SYT9: variants seen among roughly 807,000 people sequenced by gnomAD.
SYT9 encodes synaptotagmin 9.
Under a neutral mutation model 48.4 loss-of-function variants are expected in SYT9, and 22 were observed. That is an observed-to-expected ratio of 0.45 (90% CI 0.32 to 0.65). The LOEUF (loss-of-function observed/expected upper bound fraction) is 0.65. Among genes scored for constraint, SYT9 ranks in the 30% least tolerant of loss-of-function variants. The pLI is 0.03. For missense variants in SYT9, 577 were observed against 622.0 expected (o/e 0.93, Z 0.77); for synonymous variants, 265 against 245.0 (o/e 1.08, Z -0.76).
chr11:7,414,125 G>A (rs1847192702), intron 3 of SYT9, among the ~76,000 whole-genome samples: 1 of 152,224 alleles, frequency 6.6e-6, no homozygotes, highest in Non-Finnish European at 1.5e-5. Context: ...AGCCTTGAGG[G>A]CAGAGATTAG....
At chr11:7,432,136 G>A (rs546438302) in intron 6 of SYT9, among the ~76,000 whole-genome samples, 5 of 152,332 alleles carry the variant, frequency 3.3e-5, no homozygotes, top group Admixed American at 2.6e-4. Flanking sequence ...GAGCATCCCT[G>A]GGGGCCAACC....
chr11:7,374,152 A>G (rs1850412822), intron 3 of SYT9, among the ~76,000 whole-genome samples: 1 of 152,016 alleles, frequency 6.6e-6, no homozygotes, highest in South Asian at 2.1e-4. Flanking sequence ...ACTCCCACTT[A>G]TGAGTGAGAA....
rs565965368 is a variant in SYT9, at chr11:7,467,723, T to C, written c.*923T>C. 6 of 152,470 alleles carry C rather than the reference T, an allele frequency of 3.9e-5. No individual in the cohort carries two copies. The highest frequency in any genetic ancestry group is 2.1e-4 in the South Asian group (1 of 4,826). The allele number at this position is 152,470 out of a possible 1,614,324, so 9.4% of individuals were successfully genotyped here. A position where few individuals can be genotyped will look rare whatever the true frequency, so the allele number is the denominator to read the frequency against. ...GGAGAGAGAACACAGCCATCCCCTA[T>C]AGAAAGGCACAGCTTTTGGGCTTCT... On this transcript the variant is annotated 3_prime_UTR_variant, in exon 7 of 7. Coordinates refer to ENST00000318881, the MANE Select transcript of SYT9 (RefSeq NM_175733.4).
chr11:7,248,989 A>G (rs955824531), upstream of SYT9, among the ~76,000 whole-genome samples: 1 of 152,220 alleles, frequency 6.6e-6, no homozygotes, highest in African/African-American at 2.4e-5. Context: ...ATAGGTATAC[A>G]GACCAATGGA....
At chr11:7,282,940 ACAC>A (rs1277149125) in intron 1 of SYT9, among the ~76,000 whole-genome samples, 1 of 151,566 alleles carries the variant, frequency 6.6e-6, no homozygotes, top group Non-Finnish European at 1.5e-5. Context: ...ACACACACAC[ACAC>A]ATTACCAAAG....
At chr11:7,454,972 C>G (rs1363029227) in intron 6 of SYT9, among the ~76,000 whole-genome samples, 1 of 152,160 alleles carries the variant, frequency 6.6e-6, no homozygotes, top group East Asian at 1.9e-4. Context: ...GTATAGAGGA[C>G]AGCAGATACA....
chr11:7,247,560 C>A (rs368868419), upstream of SYT9, among the ~76,000 whole-genome samples: 1 of 135,056 alleles, frequency 7.4e-6, no homozygotes, highest in Admixed American at 8.0e-5. Context: ...CATGTATATA[C>A]ACATATATAC....
chr11:7,313,328 CA>C, intron 2 of SYT9, 66 bp from the exon 3 acceptor site: 1 of 1,500,218 alleles, frequency 6.7e-7, no homozygotes, highest in Non-Finnish European at 8.9e-7. Flanking sequence ...ACATCCCAGG[CA>C]AAAGTTTCTG....
chr11:7,240,727 T>C (rs1437227989), intron 1 of SYT9, among the ~76,000 whole-genome samples: 1 of 152,226 alleles, frequency 6.6e-6, no homozygotes, highest in African/African-American at 2.4e-5. Flanking sequence ...GATGTACTTT[T>C]GTTTTAATCA....
intron 6 of SYT9, chr11:7,454,376 C>T: frequency 1.1e-6 from 1 of 874,842 alleles, no homozygotes; most frequent in Non-Finnish European, 1.4e-6. Flanking sequence ...CTTTAGAGGC[C>T]TTCAGCTGCT....
At chr11:7,448,258 A>C (rs1847972824) in intron 6 of SYT9, among the ~76,000 whole-genome samples, 1 of 152,264 alleles carries the variant, frequency 6.6e-6, no homozygotes, top group Non-Finnish European at 1.5e-5. Context: ...CTTCAGAGCC[A>C]TCTGGTTCTA....
chr11:7,296,280 C>G (rs532607541), intron 1 of SYT9, among the ~76,000 whole-genome samples: 23 of 152,194 alleles, frequency 1.5e-4, no homozygotes, highest in Non-Finnish European at 3.1e-4. Flanking sequence ...AATTCTATAA[C>G]CTGTGTTTAC....
At chr11:7,270,840 C>G (rs905171999) in intron 1 of SYT9, among the ~76,000 whole-genome samples, 26 of 132,202 alleles carry the variant, frequency 2.0e-4, no homozygotes, top group Admixed American at 5.7e-4. Flanking sequence ...CAGACACACA[C>G]ACACACACAC....
intron 3 of SYT9, among the ~76,000 whole-genome samples, chr11:7,368,690 C>G (rs12791825): frequency 2.6e-5 from 4 of 152,026 alleles, no homozygotes; most frequent in Admixed American, 6.6e-5. Context: ...GCAAAGGACA[C>G]GAACTCATCT....
intron 3 of SYT9, among the ~76,000 whole-genome samples, chr11:7,344,612 A>T (rs1849768654): frequency 6.6e-6 from 1 of 152,140 alleles, no homozygotes; most frequent in Non-Finnish European, 1.5e-5. Flanking sequence ...TTTCTTGTGA[A>T]TGCATATGTG....
chr11:7,399,822 T>G (rs1489893881), intron 3 of SYT9, among the ~76,000 whole-genome samples: 2 of 152,178 alleles, frequency 1.3e-5, no homozygotes, highest in Admixed American at 1.3e-4. Flanking sequence ...TTTCAAGGAG[T>G]GATTTTCTTA....
intron 3 of SYT9, among the ~76,000 whole-genome samples, chr11:7,366,068 G>T (rs1347506534): frequency 6.6e-6 from 1 of 152,156 alleles, no homozygotes; most frequent in South Asian, 2.1e-4. Flanking sequence ...CTGTCCTCCA[G>T]GTGCTCCCAT....
At chr11:7,291,530 C>G (rs1463790206) in intron 1 of SYT9, among the ~76,000 whole-genome samples, 1 of 152,136 alleles carries the variant, frequency 6.6e-6, no homozygotes, top group East Asian at 1.9e-4. Flanking sequence ...CCCATTGCTC[C>G]CAACAGCTCA....
At chr11:7,295,503 G>A (rs138105990) in intron 1 of SYT9, among the ~76,000 whole-genome samples, 109 of 152,296 alleles carry the variant, frequency 7.2e-4, no homozygotes, top group African/African-American at 2.5e-3. Flanking sequence ...GGGCACATAA[G>A]TATTCTGCAA....
Sources: allele counts gnomAD v4.1 joint callset (sites outside exome capture counted in the v4.1 genomes callset), GRCh38; gene constraint gnomAD v4.1.1; transcripts MANE v1.5; gene names NCBI Gene and HGNC (gene_info 2026-07-23, HGNC 2026-07-21).